Variants in SETD9 observed in about 807,000 individuals in gnomAD.
SETD9 encodes SET domain containing 9.
SETD9 carries 37 observed loss-of-function variants against 36.4 expected under a neutral mutation model. The observed-to-expected ratio is 1.02, with a 90% CI of 0.78 to 1.34. The LOEUF is 1.34. SETD9 is among the 40% of genes most tolerant of loss of function. The pLI is 0.00. For synonymous variants in SETD9, 128 were observed against 132.9 expected, an observed-to-expected ratio of 0.96 and a Z score of 0.26; for missense variants, 323 against 353.2, an observed-to-expected ratio of 0.91 and a Z score of 0.69.
At chr5:56,921,380 G>T (rs925044535), downstream of SETD9, 1 of 152,310 alleles carries the variant, frequency 6.6e-6, no homozygotes, top group African/African-American at 2.4e-5. Context: ...CAGAGCCCAG[G>T]CTACCCATTA....
chr5:56,909,394 C>T, upstream of SETD9: 1 of 388,830 alleles, frequency 2.6e-6, no homozygotes, highest in Non-Finnish European at 4.6e-6. Flanking sequence ...AGCACCCGAG[C>T]GACCGGAGAA....
downstream of SETD9, among the ~76,000 whole-genome samples, chr5:56,926,340 T>A (rs1397686343): frequency 3.9e-5 from 6 of 151,912 alleles, no homozygotes; most frequent in Non-Finnish European, 7.4e-5. Context: ...TTGCAAAACA[T>A]GTATCTAATA....
At chr5:56,923,272 C>T in intron 5 of SETD9, 1 of 1,614,104 alleles carries the variant, frequency 6.2e-7, no homozygotes, top group Non-Finnish European at 8.5e-7. Context: ...TTTCAAAGTC[C>T]ACACCCAGGT....
downstream of SETD9, chr5:56,927,829 G>A (rs1433728831): frequency 6.6e-6 from 1 of 152,100 alleles, no homozygotes; most frequent in Non-Finnish European, 1.5e-5. Flanking sequence ...CATCATACAG[G>A]GTAGTTTCAT....
At chr5:56,911,672 A>C in intron 2 of SETD9, 136 bp downstream of exon 2, 1 of 993,922 alleles carries the variant, frequency 1.0e-6, no homozygotes, top group South Asian at 2.7e-5. Context: ...GATTTTTGCA[A>C]TTCTAATTCG....
downstream of SETD9, chr5:56,920,320 C>T (rs2112049313): frequency 6.6e-6 from 1 of 152,580 alleles, no homozygotes; most frequent in Middle Eastern, 3.4e-3. Flanking sequence ...ATAATCACAG[C>T]ACCAGTTACA....
At chr5:56,914,120 C>T (rs1749303374) in intron 4 of SETD9, 131 bp downstream of exon 4, 1 of 535,722 alleles carries the variant, frequency 1.9e-6, no homozygotes, top group South Asian at 3.3e-5. Flanking sequence ...AAGCAACTCT[C>T]ACTTTTGGGG....
downstream of SETD9, chr5:56,921,204 A>G (rs1211402318): frequency 1.3e-5 from 2 of 152,564 alleles, no homozygotes; most frequent in African/African-American, 2.4e-5. Flanking sequence ...GCCACTGTAA[A>G]CCCAGAGTGA....
At position 56,913,096 on chromosome 5, in the gene SETD9, TGATGG is replaced by T. The variant is rs1168743896; in HGVS notation, c.555_559del (p.Asp185GlufsTer2). ...TTAGATGCCTGGATGGGGTACTCAT[TGATGG>T]GAATGACAAAGGGATATCAAAAGTT... On this transcript the variant is annotated frameshift_variant, in exon 3 of 6. Transcript: ENST00000285947. LOFTEE classifies it high-confidence loss of function. 2 of 1,613,998 alleles carry T rather than the reference TGATGG, an allele frequency of 1.2e-6. No individual in the cohort carries two copies. The highest frequency in any genetic ancestry group is 1.7e-6 in the Non-Finnish European group (2 of 1,180,020).
downstream of SETD9, chr5:56,920,694 T>C (rs1749630325): frequency 6.6e-6 from 1 of 152,072 alleles, no homozygotes; most frequent in African/African-American, 2.4e-5. Context: ...ATGGATAAAG[T>C]CATAGTGGTA....
chr5:56,928,721 A>G, downstream of SETD9: 1 of 1,362,860 alleles, frequency 7.3e-7, no homozygotes, highest in Non-Finnish European at 1.0e-6. Context: ...AGTTGCTTAC[A>G]TTCACTGTAA....
At chr5:56,921,278 G>A (rs1169186394), downstream of SETD9, 1 of 152,442 alleles carries the variant, frequency 6.6e-6, no homozygotes. Context: ...AAAGTGTACT[G>A]ATTTTTAATA....
chr5:56,923,205 T>G, intron 5 of SETD9: 6 of 1,614,074 alleles, frequency 3.7e-6, no homozygotes, highest in African/African-American at 1.3e-5. Flanking sequence ...GCAGAGAGAC[T>G]GCCAAAGTCA....
downstream of SETD9, chr5:56,920,484 A>G (rs1303499060): frequency 6.6e-6 from 1 of 152,602 alleles, no homozygotes; most frequent in African/African-American, 2.4e-5. Context: ...ACAGTTTGTT[A>G]TAAGAATTGT....
At chr5:56,919,152 G>A (rs1749548436), downstream of SETD9, among the ~76,000 whole-genome samples, 2 of 138,136 alleles carry the variant, frequency 1.4e-5, no homozygotes, top group African/African-American at 2.7e-5. Flanking sequence ...TTGAGATGGA[G>A]TCTCAGTCTG....
chr5:56,911,138 G>C, intron 1 of SETD9, 31 bp from the exon 2 acceptor site: 1 of 1,512,984 alleles, frequency 6.6e-7, no homozygotes, highest in Non-Finnish European at 8.8e-7. Context: ...TCAGTTGAAG[G>C]GTAGTGAATA....
chr5:56,918,262 G>C (rs60966120), downstream of SETD9, among the ~76,000 whole-genome samples: 3,989 of 152,050 alleles, frequency 0.026, 454 homozygotes, highest in East Asian at 0.33. Flanking sequence ...TCCCAACCAA[G>C]GACTTTTGCA....
chr5:56,923,645 A>T, intron 5 of SETD9: 1 of 1,613,498 alleles, frequency 6.2e-7, no homozygotes, highest in Non-Finnish European at 8.5e-7. Context: ...CAGAGGACAC[A>T]ATTTTGCAAC....
upstream of SETD9, chr5:56,909,587 G>A (rs1748980625): frequency 7.0e-7 from 1 of 1,428,394 alleles, no homozygotes; most frequent in Non-Finnish European, 9.5e-7. Flanking sequence ...GCCGGGGCGG[G>A]CCCGAGGCCT....
Sources: gnomAD v4.1 joint callset for allele counts (sites outside exome capture counted in the v4.1 genomes callset) on GRCh38, gnomAD v4.1.1 for gene constraint, MANE v1.5 for transcripts, NCBI Gene and HGNC (gene_info 2026-07-23, HGNC 2026-07-21) for gene names.